Variants in SOAT1 observed in about 807,000 individuals in gnomAD.
The protein encoded by SOAT1 is sterol O-acyltransferase 1, also known as acyl-coenzyme A:cholesterol acyltransferase 1.
Under a neutral mutation model 69.5 loss-of-function variants are expected in SOAT1, and 55 were observed. The ratio of observed to expected loss-of-function variants is 0.79; its 90% CI spans 0.64 to 0.99. The LOEUF is 0.99. Among genes scored for constraint, SOAT1 ranks in the 50% least tolerant of loss-of-function variants. SOAT1 has a pLI of 0.00. For synonymous variants in SOAT1, 231 were observed against 224.7 expected, an observed-to-expected ratio of 1.03 and a Z score of -0.25; for missense variants, 580 against 669.3, an observed-to-expected ratio of 0.87 and a Z score of 1.47.
intron 3 of SOAT1, among the ~76,000 whole-genome samples, chr1:179,333,964 C>T (rs926734697): frequency 6.6e-6 from 1 of 152,220 alleles, no homozygotes; most frequent in African/African-American, 2.4e-5. Flanking sequence ...GCAACCATGG[C>T]GGAGCCAGAG....
In SOAT1 at chr1:179,356,433, A is replaced by G. The variant is rs1018864436; in HGVS notation, c.*2792A>G. ...CTTTGCAGGTAAAGTTGCTTGCCTC[A>G]TGTTAGAATTTAATTAGAAAACTGA... On this transcript the variant is annotated 3_prime_UTR_variant, in exon 16 of 16. Coordinates refer to ENST00000367619, the MANE Select transcript of SOAT1 (RefSeq NM_003101.6). 6.0e-5 allele frequency: 8 copies of G among 133,964 alleles called. No homozygotes were observed. Among genetic ancestry groups the G allele is most frequent in the African/African-American group, 2.3e-4 (8 of 34,978 alleles). The allele number at this position is 133,964 out of a possible 1,614,324, so 8.3% of individuals were successfully genotyped here. A position where few individuals can be genotyped will look rare whatever the true frequency, so the allele number is the denominator to read the frequency against.
chr1:179,350,502 T>C, intron 14 of SOAT1, 71 bp downstream of exon 14: 1 of 1,443,468 alleles, frequency 6.9e-7, no homozygotes, highest in Non-Finnish European at 9.5e-7. Context: ...AAGGAAACTA[T>C]AAAATCAATG....
At position 179,351,427 on chromosome 1, in the gene SOAT1, GA is replaced by G; in HGVS notation, c.1563del (p.Glu521AspfsTer10). 6.2e-7 allele frequency: 1 copy of G among 1,614,090 alleles called. No homozygotes were observed. Among genetic ancestry groups the G allele is most frequent in the Non-Finnish European group, 8.5e-7 (1 of 1,180,000 alleles). On this transcript the variant is annotated frameshift_variant, in exon 15 of 16. Coordinates refer to ENST00000367619, the MANE Select transcript of SOAT1 (RefSeq NM_003101.6). LOFTEE classifies it high-confidence loss of function. ...AGTCTTACTCTGCTTTTATTCTCAA[GA>G]ATGGTATGCACGTCAGCACTGTCCT... ...NGVLLCFYSQ[E>X]WYARQHCPLK...
intron 5 of SOAT1, 131 bp downstream of exon 5, chr1:179,338,027 T>C: frequency 2.0e-6 from 1 of 509,424 alleles, no homozygotes; most frequent in Non-Finnish European, 3.4e-6. Context: ...TTTTCTTCTA[T>C]GCTCTCTCTT....
intron 2 of SOAT1, 29 bp from the exon 3 acceptor site, chr1:179,323,408 T>G: frequency 6.2e-7 from 1 of 1,606,112 alleles, no homozygotes; most frequent in Non-Finnish European, 8.5e-7. Context: ...ATCCATCAAC[T>G]TAAAAGTCAT....
At chr1:179,313,295 A>G (rs1212913746) in intron 2 of SOAT1, among the ~76,000 whole-genome samples, 3 of 152,182 alleles carry the variant, frequency 2.0e-5, no homozygotes, top group Non-Finnish European at 4.4e-5. Flanking sequence ...TTGATCTAGA[A>G]TTACGTTGTT....
chr1:179,353,766 CTCACTCCATTCCTAGG>C lies in SOAT1; in HGVS notation c.*131_*146del. ...GGACCACTCCAGGCTTTACAGATGA[CTCACTCCATTCCTAGG>C]TCACTTGAAGCCAAACTGTTGGAAG... On this transcript the variant is annotated 3_prime_UTR_variant, in exon 16 of 16. Coordinates refer to ENST00000367619, the MANE Select transcript of SOAT1 (RefSeq NM_003101.6). The C allele has an allele frequency of 1.2e-6, 1 of 800,332 alleles. No individual in the cohort carries two copies. Among genetic ancestry groups the C allele is most frequent in the Non-Finnish European group, 2.1e-6 (1 of 479,332 alleles). The allele number at this position is 800,332 out of a possible 1,614,324, so 49.6% of individuals were successfully genotyped here.
At position 179,341,298 on chromosome 1, in the gene SOAT1, T is replaced by C. The variant is rs1666330198; in HGVS notation, c.768T>C (p.Ile256=). Reference sequence around the variant, plus strand: ...TGCCACCAGCTTCCCGGTTCATCATTATATTCGAGCAGGTAAGGTTTTAAG... The same window carrying C: ...TGCCACCAGCTTCCCGGTTCATCATCATATTCGAGCAGGTAAGGTTTTAAG... ...YTLPPASRFI[I]IFEQIRFVMK... Residue 256 remains isoleucine, a synonymous_variant, in exon 7 of 16, where the codon ATT becomes ATC. Transcript: ENST00000367619. The C allele has an allele frequency of 1.2e-6, 2 of 1,614,016 alleles. No homozygotes were observed. The highest frequency in any genetic ancestry group is 1.7e-6 in the Non-Finnish European group (2 of 1,179,966).
At chr1:179,341,402 A>G in intron 7 of SOAT1, 92 bp downstream of exon 7, 2 of 1,260,574 alleles carry the variant, frequency 1.6e-6, no homozygotes, top group Admixed American at 4.6e-5. Flanking sequence ...TTTTAGCTGT[A>G]TTAACTTGGA....
Position 179,354,539 on chromosome 1 carries a change from A to G in SOAT1, c.*898A>G, listed in dbSNP as rs527536780. The G allele has an allele frequency of 1.2e-4, 18 of 152,266 alleles. No homozygotes were observed. In the South Asian group the frequency reaches 3.1e-3, roughly 26 times the overall value. 9.4% of individuals were successfully genotyped at this position (152,266 alleles called of 1,614,324 possible). A position where few individuals can be genotyped will look rare whatever the true frequency, so the allele number is the denominator to read the frequency against. On this transcript the variant is annotated 3_prime_UTR_variant, in exon 16 of 16. Transcript: ENST00000367619. ...TTATTTAGAAATATCCTTTGGAACA[A>G]TTATTTTATTGTCTAATAAATATTG...
Position 179,351,445 on chromosome 1 carries a change from C to T in SOAT1, c.1579C>T (p.His527Tyr). 1 of 1,612,852 alleles carries T rather than the reference C, an allele frequency of 6.2e-7. No homozygotes were observed. Among genetic ancestry groups the T allele is most frequent in the Non-Finnish European group, 8.5e-7 (1 of 1,179,704 alleles). ...TTCTCAAGAATGGTATGCACGTCAG[C>T]ACTGTCCTCTGAAAAATGTGAGTCA... is the stretch of plus-strand genomic sequence containing the variant. ...FYSQEWYARQHCPLKNPTFLD... is the reference protein window; with the variant it reads ...FYSQEWYARQYCPLKNPTFLD... The change falls in exon 15 of 16, where the codon CAC becomes TAC. Residue 527 changes from histidine to tyrosine, a missense_variant. By Grantham distance (83) the His-to-Tyr change is moderately conservative. Transcript: ENST00000367619.
At chr1:179,316,170 T>C (rs747027307) in intron 2 of SOAT1, among the ~76,000 whole-genome samples, 1 of 152,204 alleles carries the variant, frequency 6.6e-6, no homozygotes, top group Non-Finnish European at 1.5e-5. Context: ...CTTAGTTTCC[T>C]CAAAGCCCTT....
chr1:179,357,040 A>G lies in SOAT1; in HGVS notation c.*3399A>G, dbSNP rs1046254605. ...GCTTACTAATCTTATGCAAAATTTCATGTAATTTATGTAATACTACATAAC... is the reference window on the plus strand; with the variant it reads ...GCTTACTAATCTTATGCAAAATTTCGTGTAATTTATGTAATACTACATAAC... On this transcript the variant is annotated 3_prime_UTR_variant, in exon 16 of 16. Coordinates refer to ENST00000367619, the MANE Select transcript of SOAT1 (RefSeq NM_003101.6). The G allele has an allele frequency of 6.6e-6, 1 of 152,162 alleles. No individual in the cohort carries two copies. The highest frequency in any genetic ancestry group is 1.5e-5 in the Non-Finnish European group (1 of 68,044). The allele number at this position is 152,162 out of a possible 1,614,324, so 9.4% of individuals were successfully genotyped here. A position where few individuals can be genotyped will look rare whatever the true frequency, so the allele number is the denominator to read the frequency against.
At chr1:179,294,691 C>T (rs1664569673) in intron 1 of SOAT1, among the ~76,000 whole-genome samples, 1 of 152,104 alleles carries the variant, frequency 6.6e-6, no homozygotes, top group African/African-American at 2.4e-5. Context: ...GCCACCACGC[C>T]CAGGTAATTT....
At position 179,351,474 on chromosome 1, in the gene SOAT1, A is replaced by G. The variant is rs756608971; in HGVS notation, c.1596+12A>G. ...GTCCTCTGAAAAATGTGAGTCACCA[A>G]CCTGGTTGGAGTGCAAAAGAACCTG... On this transcript the variant is annotated intron_variant, in intron 15 of 15. Transcript: ENST00000367619. 6 of 1,611,630 alleles carry G rather than the reference A, an allele frequency of 3.7e-6. No individual in the cohort carries two copies. The South Asian group carries it at 4.4e-5, about 12-fold the overall frequency.
intron 10 of SOAT1, 99 bp from the exon 11 acceptor site, chr1:179,344,848 C>A: frequency 9.0e-7 from 1 of 1,108,932 alleles, no homozygotes; most frequent in Non-Finnish European, 1.4e-6. Flanking sequence ...GCGAACATTA[C>A]TGTAAGGGTC....
chr1:179,320,553 T>G (rs1250423453), intron 2 of SOAT1, among the ~76,000 whole-genome samples: 1 of 152,172 alleles, frequency 6.6e-6, no homozygotes, highest in African/African-American at 2.4e-5. Context: ...TTAGTGAGTA[T>G]TGCTTTAAAT....
rs1268038863 is a variant in SOAT1, at chr1:179,308,325, A to G, written c.118+5523A>G. Reference sequence around the variant, plus strand: ...TATACAGGCAGCCTACACAGTTGATACAGATGTGGTGATAAAAGAAAAAGA... The same window carrying G: ...TATACAGGCAGCCTACACAGTTGATGCAGATGTGGTGATAAAAGAAAAAGA... On this transcript the variant is annotated intron_variant, in intron 2 of 15. Transcript: ENST00000367619. 3.3e-5 allele frequency among the ~76,000 whole-genome samples: 5 copies of G among 152,276 alleles called. No homozygotes were observed. In the East Asian group the frequency reaches 9.6e-4, roughly 29 times the overall value.
chr1:179,342,275 C>G (rs1199637127), intron 8 of SOAT1, 83 bp downstream of exon 8: 48 of 664,024 alleles, frequency 7.2e-5, no homozygotes, highest in Non-Finnish European at 1.1e-4. Flanking sequence ...CCCTTCCCTT[C>G]TTTCCTTCTT....
Sources: gnomAD v4.1 joint callset for allele counts (sites outside exome capture counted in the v4.1 genomes callset) on GRCh38, gnomAD v4.1.1 for gene constraint, MANE v1.5 for transcripts, NCBI Gene and HGNC (gene_info 2026-07-23, HGNC 2026-07-21) for gene names.